Variants in NYAP2 observed in about 807,000 individuals in gnomAD.
NYAP2 encodes the protein neuronal tyrosine-phosphorylated phosphoinositide-3-kinase adapter 2.
NYAP2 carries 23 observed loss-of-function variants against 50.4 expected under a neutral mutation model. That is an observed-to-expected ratio of 0.46 (90% CI 0.33 to 0.65). The LOEUF (loss-of-function observed/expected upper bound fraction) is 0.65, where lower values mean the gene tolerates loss of function less well. NYAP2 is among the 30% of genes least tolerant of loss of function. The probability of loss-of-function intolerance (pLI) is 0.02; values close to 1 mark genes in which losing one functional copy is unlikely to be tolerated. For missense variants in NYAP2, 885 were observed against 861.0 expected (o/e 1.03, Z -0.35); for synonymous variants, 394 against 365.2 (o/e 1.08, Z -0.90).
chr2:225,696,379 G>GAAT, the NYAP2 span, among the ~76,000 whole-genome samples: 1 of 152,004 alleles, frequency 6.6e-6, no homozygotes, highest in South Asian at 2.1e-4. Context: ...ATCAGTGTTA[G>GAAT]AATAATAAGA....
At chr2:225,559,349 C>CA (rs11300399) in intron 4 of NYAP2, among the ~76,000 whole-genome samples, 2,238 of 145,828 alleles carry the variant, frequency 0.015, 53 homozygotes, top group African/African-American at 0.047. Context: ...GTACAAATGC[C>CA]AAAAAAAAAA....
At chr2:225,454,677 T>C (rs1033269688) in intron 3 of NYAP2, among the ~76,000 whole-genome samples, 1 of 152,152 alleles carries the variant, frequency 6.6e-6, no homozygotes, top group Non-Finnish European at 1.5e-5. Flanking sequence ...ATGAACCCTA[T>C]TGTGAACTAC....
chr2:225,443,563 T>C (rs1689504838), intron 3 of NYAP2, among the ~76,000 whole-genome samples: 1 of 151,974 alleles, frequency 6.6e-6, no homozygotes, highest in African/African-American at 2.4e-5. Context: ...TACTGGTATG[T>C]ATATGGTCCA....
At chr2:225,617,115 C>A (rs1166712393) in intron 5 of NYAP2, among the ~76,000 whole-genome samples, 2 of 152,144 alleles carry the variant, frequency 1.3e-5, no homozygotes, top group East Asian at 3.9e-4. Context: ...TGTAACCAAG[C>A]GATCTCTATG....
At chr2:225,687,927 T>C in the NYAP2 span, among the ~76,000 whole-genome samples, 1 of 152,286 alleles carries the variant, frequency 6.6e-6, no homozygotes, top group South Asian at 2.1e-4. Flanking sequence ...GCTCAGCCTA[T>C]CATCCATCAA....
intron 3 of NYAP2, among the ~76,000 whole-genome samples, chr2:225,434,295 T>C (rs1266674607): frequency 1.3e-5 from 2 of 152,160 alleles, no homozygotes; most frequent in East Asian, 1.9e-4. Flanking sequence ...AACATTTCTG[T>C]CAGCCCACAG....
intron 3 of NYAP2, among the ~76,000 whole-genome samples, chr2:225,469,788 G>A (rs988580243): frequency 6.6e-6 from 1 of 152,120 alleles, no homozygotes; most frequent in Non-Finnish European, 1.5e-5. Context: ...CTCATAAATT[G>A]GAGTTGAACA....
At chr2:225,550,239 G>A (rs1008578715) in intron 4 of NYAP2, among the ~76,000 whole-genome samples, 1 of 152,010 alleles carries the variant, frequency 6.6e-6, no homozygotes, top group African/African-American at 2.4e-5. Flanking sequence ...GGTCCCCTTA[G>A]GATGTGCAAA....
intron 5 of NYAP2, among the ~76,000 whole-genome samples, chr2:225,585,543 T>C (rs1324127180): frequency 6.6e-6 from 1 of 152,254 alleles, no homozygotes; most frequent in Non-Finnish European, 1.5e-5. Context: ...AGGCTCTTTA[T>C]AGCTTTTAGG....
the NYAP2 span, among the ~76,000 whole-genome samples, chr2:225,680,714 G>A: frequency 1.3e-5 from 2 of 152,206 alleles, no homozygotes; most frequent in East Asian, 1.9e-4. Context: ...CCCTGCAAAT[G>A]AGAAATTGAT....
At chr2:225,679,093 C>G in the NYAP2 span, among the ~76,000 whole-genome samples, 1 of 151,910 alleles carries the variant, frequency 6.6e-6, no homozygotes, top group Non-Finnish European at 1.5e-5. Context: ...AGAAACTTGG[C>G]AAGTGTTGTT....
chr2:225,685,406 A>C, the NYAP2 span, among the ~76,000 whole-genome samples: 1 of 152,194 alleles, frequency 6.6e-6, no homozygotes, highest in Non-Finnish European at 1.5e-5. Flanking sequence ...TTATCTTGTA[A>C]TACTGCTTGT....
intron 5 of NYAP2, among the ~76,000 whole-genome samples, chr2:225,608,084 A>T (rs1304083726): frequency 6.6e-6 from 1 of 152,154 alleles, no homozygotes; most frequent in Non-Finnish European, 1.5e-5. Context: ...TTATCTTGTC[A>T]TTGAACAGTT....
chr2:225,540,344 A>C (rs1298616340), intron 4 of NYAP2, among the ~76,000 whole-genome samples: 2 of 152,170 alleles, frequency 1.3e-5, no homozygotes, highest in Non-Finnish European at 2.9e-5. Flanking sequence ...GCAATTTATA[A>C]AAGAAAGAGT....
At chr2:225,639,881 T>A (rs187508040) in intron 6 of NYAP2, among the ~76,000 whole-genome samples, 8 of 151,902 alleles carry the variant, frequency 5.3e-5, no homozygotes, top group East Asian at 1.9e-4. Context: ...TCAAGGTGAG[T>A]TAGGAGGAAG....
intron 6 of NYAP2, among the ~76,000 whole-genome samples, chr2:225,645,583 T>G (rs571499461): frequency 2.6e-5 from 4 of 152,156 alleles, no homozygotes; most frequent in Non-Finnish European, 5.9e-5. Context: ...GTGAGTCAAC[T>G]TTTACTTCTG....
At chr2:225,591,781 C>T (rs1692509880) in intron 5 of NYAP2, among the ~76,000 whole-genome samples, 1 of 152,140 alleles carries the variant, frequency 6.6e-6, no homozygotes, top group South Asian at 2.1e-4. Context: ...CAAAATTCAC[C>T]AATTTTCATC....
At position 225,511,327 on chromosome 2, in the gene NYAP2, A is replaced by AACACACAC. The variant is rs571887973; in HGVS notation, c.222-2004_222-1997dup. Among the ~76,000 whole-genome samples, 635 of 129,878 alleles carry AACACACAC rather than the reference A, an allele frequency of 4.9e-3. 4 individuals are homozygous for AACACACAC. The highest frequency in any genetic ancestry group is 7.8e-3 in the Middle Eastern group (2 of 256). 85.2% of individuals were successfully genotyped at this position (129,878 alleles called of 152,430 possible). A position where few individuals can be genotyped will look rare whatever the true frequency, so the allele number is the denominator to read the frequency against. Reference sequence around the variant, plus strand: ...GTATGTCTTAATTGCCGTTCTTTAAAACACACACACACACACACACACACA... The same window carrying AACACACAC: ...GTATGTCTTAATTGCCGTTCTTTAAAACACACACACACACACACACACACACACACACA... On this transcript the variant is annotated intron_variant, in intron 3 of 6. Coordinates refer to ENST00000636099, the Ensembl canonical transcript of NYAP2.
At chr2:225,449,395 G>A (rs1689612746) in intron 3 of NYAP2, among the ~76,000 whole-genome samples, 1 of 152,108 alleles carries the variant, frequency 6.6e-6, no homozygotes, top group Non-Finnish European at 1.5e-5. Context: ...CTGTCTCCAA[G>A]AATGAACTTT....
Sources: gnomAD v4.1 joint callset for allele counts (sites outside exome capture counted in the v4.1 genomes callset) on GRCh38, gnomAD v4.1.1 for gene constraint, MANE v1.5 for transcripts, NCBI Gene and HGNC (gene_info 2026-07-23, HGNC 2026-07-21) for gene names.